CNTN5: variants seen among roughly 807,000 people sequenced by gnomAD.
The protein encoded by CNTN5 is contactin-5.
In CNTN5, 77 loss-of-function variants were observed where a neutral mutation model predicts 129.1. That is an observed-to-expected ratio of 0.60 (90% CI 0.50 to 0.72). The LOEUF (loss-of-function observed/expected upper bound fraction) is 0.72. Ranked by LOEUF, CNTN5 falls within the 30% of genes least tolerant of loss-of-function variation. CNTN5 has a pLI of 0.00. For missense variants in CNTN5, 1,478 were observed against 1,328.8 expected (o/e 1.11, Z -1.75); for synonymous variants, 509 against 465.6 (o/e 1.09, Z -1.20).
chr11:100,167,948 C>A (rs578214900), intron 13 of CNTN5, among the ~76,000 whole-genome samples: 208 of 151,996 alleles, frequency 1.4e-3, no homozygotes, highest in African/African-American at 4.9e-3. Flanking sequence ...TAAGAGTGCA[C>A]AACAGTCTTT....
At chr11:99,089,403 T>C (rs1866142579) in intron 1 of CNTN5, among the ~76,000 whole-genome samples, 1 of 152,222 alleles carries the variant, frequency 6.6e-6, no homozygotes, top group Admixed American at 6.5e-5. Flanking sequence ...TATTCTCATT[T>C]AACGCTTTAA....
At chr11:99,082,260 A>T (rs1865833485) in intron 1 of CNTN5, among the ~76,000 whole-genome samples, 1 of 147,120 alleles carries the variant, frequency 6.8e-6, no homozygotes, top group East Asian at 2.0e-4. Flanking sequence ...ATGTCTGCTC[A>T]CTACAACCTC....
At chr11:99,897,436 C>G (rs990282017) in intron 6 of CNTN5, among the ~76,000 whole-genome samples, 1 of 152,018 alleles carries the variant, frequency 6.6e-6, no homozygotes, top group African/African-American at 2.4e-5. Context: ...ACCAATCAGA[C>G]TAACAGTGGA....
chr11:99,291,472 T>C (rs759912972), intron 1 of CNTN5, among the ~76,000 whole-genome samples: 8 of 151,960 alleles, frequency 5.3e-5, no homozygotes, highest in Non-Finnish European at 8.8e-5. Context: ...TTTGGCCCAG[T>C]TATTTTACGT....
chr11:99,931,681 C>A, intron 7 of CNTN5, among the ~76,000 whole-genome samples: 1 of 152,164 alleles, frequency 6.6e-6, no homozygotes, highest in Non-Finnish European at 1.5e-5. Flanking sequence ...TTCCATGTTA[C>A]GTTCATTTGG....
At chr11:99,803,404 G>A (rs1237424548) in intron 3 of CNTN5, among the ~76,000 whole-genome samples, 1 of 152,192 alleles carries the variant, frequency 6.6e-6, no homozygotes, top group Admixed American at 6.5e-5. Context: ...AATTCTGACT[G>A]GAGGTCCTTA....
Position 99,786,298 on chromosome 11 carries a change from G to A in CNTN5, c.56-33246G>A, listed in dbSNP as rs188107449. Among the ~76,000 whole-genome samples, 1,009 of 152,120 alleles carry A rather than the reference G, an allele frequency of 6.6e-3. 10 individuals carry two copies. The highest frequency in any genetic ancestry group is 0.023 in the African/African-American group (946 of 41,518). On this transcript the variant is annotated intron_variant, in intron 3 of 24. Transcript: ENST00000524871. The stretch of plus-strand genomic sequence containing the variant: ...AAATACCTAGGAATCCAACTTACAA[G>A]GGATGTGAAGGACCTCTTCAAGGAG...
At chr11:100,316,204 T>C (rs978978738) in intron 21 of CNTN5, among the ~76,000 whole-genome samples, 3 of 152,184 alleles carry the variant, frequency 2.0e-5, no homozygotes, top group East Asian at 1.9e-4. Flanking sequence ...TTCATAATCA[T>C]TTCTGTGATT....
chr11:99,128,008 T>C (rs979181409), intron 1 of CNTN5, among the ~76,000 whole-genome samples: 1 of 152,230 alleles, frequency 6.6e-6, no homozygotes, highest in Non-Finnish European at 1.5e-5. Context: ...TAAATAAATA[T>C]GTTGTAATAT....
chr11:99,583,008 G>A (rs1949664405), intron 3 of CNTN5, among the ~76,000 whole-genome samples: 1 of 152,118 alleles, frequency 6.6e-6, no homozygotes, highest in South Asian at 2.1e-4. Flanking sequence ...TTTTGGTGTG[G>A]ATGTCCTCTC....
chr11:99,860,864 A>G (rs1948181039), intron 6 of CNTN5, among the ~76,000 whole-genome samples: 1 of 151,302 alleles, frequency 6.6e-6, no homozygotes, highest in East Asian at 2.0e-4. Context: ...TGATAGGAAT[A>G]GTGTTGAATC....
At chr11:100,262,558 A>G (rs1440312808) in intron 17 of CNTN5, among the ~76,000 whole-genome samples, 1 of 152,226 alleles carries the variant, frequency 6.6e-6, no homozygotes, top group East Asian at 1.9e-4. Flanking sequence ...CATCAATGAT[A>G]GCCTGGATGA....
chr11:100,041,421 A>G (rs1038235463), intron 9 of CNTN5, among the ~76,000 whole-genome samples: 32 of 152,258 alleles, frequency 2.1e-4, no homozygotes, highest in African/African-American at 7.2e-4. Context: ...AGTCTAGAAC[A>G]TAGTAAGTAC....
At chr11:99,312,944 T>C (rs1461675) in intron 1 of CNTN5, among the ~76,000 whole-genome samples, 2,464 of 152,042 alleles carry the variant, frequency 0.016, 42 homozygotes, top group African/African-American at 0.034. Context: ...ATTCTATTCA[T>C]AGGCTGGACA....
At chr11:100,193,407 T>G in intron 14 of CNTN5, 81 bp from the exon 15 acceptor site, 1 of 897,492 alleles carries the variant, frequency 1.1e-6, no homozygotes, top group East Asian at 2.7e-5. Context: ...TTTCTTCTTT[T>G]CTCAATTATT....
intron 2 of CNTN5, among the ~76,000 whole-genome samples, chr11:99,385,495 A>G (rs2136172503): frequency 6.6e-6 from 1 of 152,348 alleles, no homozygotes; most frequent in Admixed American, 6.5e-5. Flanking sequence ...TAATGTGTTA[A>G]CAAAGGAGAA....
intron 3 of CNTN5, among the ~76,000 whole-genome samples, chr11:99,640,044 A>G (rs1352869960): frequency 5.3e-5 from 8 of 152,072 alleles, no homozygotes; most frequent in Admixed American, 3.9e-4. Context: ...TCTCATCTCC[A>G]TCTGAGACCA....
chr11:99,109,842 T>C (rs1454866973), intron 1 of CNTN5, among the ~76,000 whole-genome samples: 1 of 152,102 alleles, frequency 6.6e-6, no homozygotes, highest in Admixed American at 6.6e-5. Context: ...ACATATAGAT[T>C]AATGAAAAAA....
intron 3 of CNTN5, among the ~76,000 whole-genome samples, chr11:99,755,118 G>A (rs1944364909): frequency 6.6e-6 from 1 of 152,066 alleles, no homozygotes; most frequent in Non-Finnish European, 1.5e-5. Flanking sequence ...ATCTGGATAT[G>A]CCTCACTTGC....
Sources: allele counts gnomAD v4.1 joint callset (sites outside exome capture counted in the v4.1 genomes callset), GRCh38; gene constraint gnomAD v4.1.1; transcripts MANE v1.5; gene names NCBI Gene and HGNC (gene_info 2026-07-23, HGNC 2026-07-21).